XG: variants seen among roughly 807,000 people sequenced by gnomAD.
The protein encoded by XG is Xg glycoprotein (Xg blood group), also known as glycoprotein Xg.
Under a neutral mutation model 25.7 loss-of-function variants are expected in XG, and 24 were observed. The ratio of observed to expected loss-of-function variants is 0.93; its 90% CI spans 0.68 to 1.31. XG has a LOEUF of 1.31. XG is among the 40% of genes most tolerant of loss of function. The probability of loss-of-function intolerance (pLI) is 0.00; values close to 1 mark genes in which losing one functional copy is unlikely to be tolerated. For synonymous variants in XG, 77 were observed against 69.2 expected (o/e 1.11, Z -0.56); for missense variants, 181 against 187.6 (o/e 0.96, Z 0.21).
At chrX:2,792,264 C>T (rs1412295847) in intron 5 of XG, among the ~76,000 whole-genome samples, 2 of 111,530 alleles carry the variant, frequency 1.8e-5, no homozygotes, top group African/African-American at 6.5e-5. Context: ...TGCACTCCAG[C>T]CTGGGTGACA....
At position 2,797,566 on chromosome X, in the gene XG, A is replaced by ACACACACGCATACACACATG. The variant is rs2086897550; in HGVS notation, c.373+214_373+233dup. Among the ~76,000 whole-genome samples the ACACACACGCATACACACATG allele has an allele frequency of 5.6e-5, 6 of 106,512 alleles. No individual in the cohort carries two copies. The Admixed American group carries it at 6.0e-4, about 11-fold the overall frequency. 92.5% of individuals were successfully genotyped at this position (106,512 alleles called of 115,157 possible). A position where few individuals can be genotyped will look rare whatever the true frequency, so the allele number is the denominator to read the frequency against. ...CAGGAGGGTGGGTGCAGCCACACAT[A>ACACACACGCATACACACATG]CACACACGCATACACACATGCACAC... On this transcript the variant is annotated intron_variant, in intron 7 of 10. Transcript: ENST00000644266.
intron 1 of XG, among the ~76,000 whole-genome samples, chrX:2,765,180 T>A (rs745949044): frequency 6.6e-6 from 1 of 151,350 alleles, no homozygotes; most frequent in East Asian, 2.0e-4. Flanking sequence ...ACCCCATCTC[T>A]ACTAAAAATA....
At chrX:2,791,762 A>C (rs1425028375) in intron 5 of XG, among the ~76,000 whole-genome samples, 1 of 110,149 alleles carries the variant, frequency 9.1e-6, no homozygotes, top group African/African-American at 3.3e-5. Flanking sequence ...GTCCTAGGTG[A>C]AGGTCAGTGA....
chrX:2,809,628 T>A, intron 9 of XG, among the ~76,000 whole-genome samples: 1 of 112,531 alleles, frequency 8.9e-6, no homozygotes, highest in East Asian at 2.8e-4. Flanking sequence ...CCATTTATTA[T>A]GTTCGTGATT....
In XG at chrX:2,802,694, A is replaced by C. The variant is rs370199820; in HGVS notation, c.374-4007A>C. 1.3e-4 allele frequency among the ~76,000 whole-genome samples: 14 copies of C among 109,599 alleles called. 1 individual carries two copies. The highest frequency in any genetic ancestry group is 8.8e-4 in the Admixed American group (9 of 10,201). On this transcript the variant is annotated intron_variant, in intron 7 of 10. Coordinates refer to ENST00000644266, the MANE Select transcript of XG (RefSeq NM_001141919.2). ...TGGCGCCGGCTGGTGCATCTCAATG[A>C]AGGGTTTAAAAAATGTCTCAACTTC...
intron 1 of XG, among the ~76,000 whole-genome samples, chrX:2,753,210 G>T (rs1281925559): frequency 2.0e-5 from 3 of 152,210 alleles, no homozygotes; most frequent in Non-Finnish European, 4.4e-5. Flanking sequence ...GGGATGGATA[G>T]ATCCTGGTGG....
chrX:2,760,319 A>G (rs2050535168), intron 1 of XG, among the ~76,000 whole-genome samples: 1 of 152,088 alleles, frequency 6.6e-6, no homozygotes, highest in African/African-American at 2.4e-5. Flanking sequence ...CCCCATTGTA[A>G]TTGACCATGT....
chrX:2,765,376 GGGAAGGAAGGAA>G (rs56267419), intron 1 of XG, among the ~76,000 whole-genome samples: 63 of 144,102 alleles, frequency 4.4e-4, no homozygotes, highest in South Asian at 8.9e-4. Flanking sequence ...GAGGGAGGGA[GGGAAGGAAGGAA>G]GGAAGGAAGG....
At chrX:2,783,698 G>A (rs764344524) in intron 4 of XG, among the ~76,000 whole-genome samples, 1 of 112,788 alleles carries the variant, frequency 8.9e-6, no homozygotes, top group Admixed American at 9.3e-5. Flanking sequence ...CCTCAGGCCG[G>A]GCGTGGGGGC....
At chrX:2,793,543 G>A (rs756078868) in intron 5 of XG, among the ~76,000 whole-genome samples, 1 of 112,256 alleles carries the variant, frequency 8.9e-6, no homozygotes, top group African/African-American at 3.2e-5. Context: ...CTCTCTCAGC[G>A]TGGATTCTCA....
Position 2,809,582 on chromosome X carries a change from C to CA in XG, c.454+1368dup, listed in dbSNP as rs769658968. On this transcript the variant is annotated intron_variant, in intron 9 of 10. Coordinates refer to ENST00000644266, the MANE Select transcript of XG (RefSeq NM_001141919.2). ...TGTATCAGTCAGCTATGCTGTGTCACAAAAAACCCCAAAACTTAGTAGCTG... is the reference window on the plus strand; with the variant it reads ...TGTATCAGTCAGCTATGCTGTGTCACAAAAAAACCCCAAAACTTAGTAGCTG... Among the ~76,000 whole-genome samples the CA allele has an allele frequency of 1.1e-3, 121 of 112,125 alleles. 1 individual carries two copies. The highest frequency in any genetic ancestry group is 3.7e-3 in the African/African-American group (115 of 30,939).
At chrX:2,761,340 G>A (rs1361212042) in intron 1 of XG, among the ~76,000 whole-genome samples, 2 of 152,120 alleles carry the variant, frequency 1.3e-5, no homozygotes, top group Non-Finnish European at 2.9e-5. Flanking sequence ...GCCTCAGGAG[G>A]AACCAGCTCT....
intron 1 of XG, among the ~76,000 whole-genome samples, chrX:2,766,755 C>G (rs374842714): frequency 6.0e-5 from 9 of 150,876 alleles, no homozygotes; most frequent in Middle Eastern, 3.4e-3. Flanking sequence ...TTACTAGAGA[C>G]GGGGTTTCAC....
intron 3 of XG, among the ~76,000 whole-genome samples, chrX:2,779,282 G>A (rs2051067982): frequency 6.7e-6 from 1 of 149,270 alleles, no homozygotes; most frequent in African/African-American, 2.5e-5. Context: ...GTTGCAGTGA[G>A]CCGAGATCCT....
chrX:2,807,239 T>A (rs2087007668), intron 8 of XG, among the ~76,000 whole-genome samples: 1 of 113,226 alleles, frequency 8.8e-6, no homozygotes, highest in Non-Finnish European at 1.9e-5. Context: ...TTGGGTTGCA[T>A]GTGCATTGCA....
chrX:2,811,415 C>T lies in XG; in HGVS notation c.534C>T (p.Phe178=). 1 of 1,204,296 alleles carries T rather than the reference C, an allele frequency of 8.3e-7. No individual in the cohort carries two copies. The highest frequency in any genetic ancestry group is 3.0e-5 in the East Asian group (1 of 33,632). The change falls in exon 10 of 11, where the codon TTC becomes TTT. Residue 178 remains phenylalanine (F), a synonymous_variant. Transcript: ENST00000644266. ...VTLLGAAASY[F]KLNNRRNCFR... is the part of the protein sequence containing the mutation. The stretch of plus-strand genomic sequence containing the variant: ...TGCTGGGAGCAGCAGCCAGTTATTT[C>T]AAACTAAACAATAGGAGAAATTGTT...
At chrX:2,768,254 A>T (rs1253437034) in intron 1 of XG, among the ~76,000 whole-genome samples, 1 of 152,146 alleles carries the variant, frequency 6.6e-6, no homozygotes, top group East Asian at 1.9e-4. Context: ...ATGGGCGGAG[A>T]CATAACACAG....
intron 3 of XG, among the ~76,000 whole-genome samples, chrX:2,775,933 G>T (rs1227649186): frequency 7.0e-6 from 1 of 142,096 alleles, no homozygotes; most frequent in Non-Finnish European, 1.5e-5. Flanking sequence ...TCCAACCTGG[G>T]TGACAGAGTG....
At chrX:2,805,200 C>T (rs991177583) in intron 7 of XG, among the ~76,000 whole-genome samples, 5 of 112,562 alleles carry the variant, frequency 4.4e-5, no homozygotes, top group Non-Finnish European at 7.5e-5. Context: ...CGTGGCTGGC[C>T]GCGGAGGGAA....
Sources: allele counts gnomAD v4.1 joint callset (sites outside exome capture counted in the v4.1 genomes callset), GRCh38; gene constraint gnomAD v4.1.1; transcripts MANE v1.5; gene names NCBI Gene and HGNC (gene_info 2026-07-23, HGNC 2026-07-21).